Variants in CNTN4 observed in about 807,000 individuals in gnomAD.
CNTN4 encodes the protein contactin-4.
In CNTN4, 77 loss-of-function variants were observed where a neutral mutation model predicts 122.5. The observed-to-expected ratio is 0.63, with a 90% CI of 0.52 to 0.76. The LOEUF is 0.76. CNTN4 is among the 30% of genes least tolerant of loss of function. The probability of loss-of-function intolerance (pLI) is 0.00; values close to 1 mark genes in which losing one functional copy is unlikely to be tolerated. For synonymous variants in CNTN4, 512 were observed against 447.0 expected (o/e 1.15, Z -1.83); for missense variants, 1,256 against 1,259.1 (o/e 1.00, Z 0.04).
chr3:2,238,615 A>G (rs1250450939), intron 2 of CNTN4, among the ~76,000 whole-genome samples: 1 of 151,774 alleles, frequency 6.6e-6, no homozygotes, highest in Non-Finnish European at 1.5e-5. Flanking sequence ...TTTTAATAAA[A>G]TGTATGTATT....
At chr3:2,805,252 G>T (rs899979076) in intron 6 of CNTN4, among the ~76,000 whole-genome samples, 7 of 151,972 alleles carry the variant, frequency 4.6e-5, no homozygotes, top group African/African-American at 1.7e-4. Flanking sequence ...CTTTTAAGAA[G>T]CCTGTGGCAA....
chr3:2,214,680 A>G (rs926121949), intron 2 of CNTN4, among the ~76,000 whole-genome samples: 4 of 152,156 alleles, frequency 2.6e-5, no homozygotes, highest in Admixed American at 6.5e-5. Context: ...CATCCACTCA[A>G]TCTCTTGAAA....
intron 12 of CNTN4, among the ~76,000 whole-genome samples, chr3:2,915,584 G>A (rs555425242): frequency 6.6e-6 from 1 of 152,212 alleles, no homozygotes; most frequent in African/African-American, 2.4e-5. Flanking sequence ...CTTTGTTTCT[G>A]ATCTTAGAGA....
At chr3:2,746,086 TACACACAC>T (rs57086556) in intron 6 of CNTN4, among the ~76,000 whole-genome samples, 897 of 45,704 alleles carry the variant, frequency 0.02, 2 homozygotes, top group South Asian at 0.042. Context: ...GAACAAATTT[TACACACAC>T]ACACACACAC....
At chr3:2,929,008 C>T (rs975124184) in intron 13 of CNTN4, among the ~76,000 whole-genome samples, 1 of 152,148 alleles carries the variant, frequency 6.6e-6, no homozygotes. Flanking sequence ...ACAGCATATT[C>T]ACACTAGCCT....
intron 2 of CNTN4, among the ~76,000 whole-genome samples, chr3:2,144,831 C>T (rs893677259): frequency 8.5e-5 from 13 of 152,246 alleles, no homozygotes; most frequent in African/African-American, 3.1e-4. Flanking sequence ...AAAATCTGCC[C>T]AGAATTTCTC....
intron 23 of CNTN4, among the ~76,000 whole-genome samples, chr3:3,046,463 G>A (rs572627632): frequency 1.1e-4 from 17 of 152,248 alleles, no homozygotes; most frequent in African/African-American, 4.1e-4. Context: ...AAGAGAGTGG[G>A]GGCCAATATT....
At chr3:2,739,660 T>C (rs2089340797) in intron 5 of CNTN4, among the ~76,000 whole-genome samples, 1 of 152,170 alleles carries the variant, frequency 6.6e-6, no homozygotes, top group Non-Finnish European at 1.5e-5. Flanking sequence ...AGCCTGAGAA[T>C]TAAATTAACA....
intron 6 of CNTN4, among the ~76,000 whole-genome samples, chr3:2,811,276 C>T (rs2092601545): frequency 6.6e-6 from 1 of 150,834 alleles, no homozygotes; most frequent in South Asian, 2.1e-4. Flanking sequence ...GGCATGGTGG[C>T]AGGTGCCTGT....
At chr3:2,216,379 T>A (rs146680118) in intron 2 of CNTN4, among the ~76,000 whole-genome samples, 1,576 of 152,112 alleles carry the variant, frequency 0.01, 13 homozygotes, top group South Asian at 0.037. Context: ...ACACTTGAGG[T>A]CTACTTGAGG....
intron 3 of CNTN4, among the ~76,000 whole-genome samples, chr3:2,373,676 TCAATAAC>T (rs2045714886): frequency 6.6e-6 from 1 of 152,310 alleles, no homozygotes; most frequent in Admixed American, 6.5e-5. Context: ...GGCAGAAGTA[TCAATAAC>T]ATCGGCGCCT....
chr3:2,624,326 G>T (rs1217480104), intron 4 of CNTN4, among the ~76,000 whole-genome samples: 1 of 152,116 alleles, frequency 6.6e-6, no homozygotes, highest in African/African-American at 2.4e-5. Flanking sequence ...AATGTTAGGT[G>T]AGATTCAGCT....
chr3:2,785,085 T>A (rs1013385217), intron 6 of CNTN4, among the ~76,000 whole-genome samples: 1 of 151,120 alleles, frequency 6.6e-6, no homozygotes, highest in Admixed American at 6.6e-5. Context: ...TGTGTTCTAT[T>A]TGTATATAAG....
intron 2 of CNTN4, among the ~76,000 whole-genome samples, chr3:2,127,768 C>G (rs1574893358): frequency 6.6e-6 from 1 of 152,128 alleles, no homozygotes; most frequent in East Asian, 1.9e-4. Flanking sequence ...CCACATTCAT[C>G]ATTGTTGTAG....
At position 2,712,394 on chromosome 3, in the gene CNTN4, A is replaced by T. The variant is rs1485528019; in HGVS notation, c.56-23821A>T. Among the ~76,000 whole-genome samples, 3 of 152,358 alleles carry T rather than the reference A, an allele frequency of 2.0e-5. No individual in the cohort carries two copies. In the East Asian group the frequency reaches 5.8e-4, roughly 29 times the overall value. On this transcript the variant is annotated intron_variant, in intron 4 of 24. Coordinates refer to ENST00000418658, the MANE Select transcript of CNTN4 (RefSeq NM_175607.3). ...AGTTGCCATAGGGAGATAAAATTCT[A>T]TTAGCTAGTATAGAGGAGAAAAGGT...
At position 2,540,158 on chromosome 3, in the gene CNTN4, A is replaced by C. The variant is rs1226300855; in HGVS notation, c.-88-31258A>C. 2.0e-5 allele frequency among the ~76,000 whole-genome samples: 3 copies of C among 152,130 alleles called. No homozygotes were observed. The East Asian group carries it at 5.8e-4, about 30-fold the overall frequency. ...ATAAAAAATTGGGGTTGTAAGACCT[A>C]TCCATAGAAACAATCATAAATTACT... On this transcript the variant is annotated intron_variant, in intron 3 of 24. Transcript: ENST00000418658.
intron 14 of CNTN4, among the ~76,000 whole-genome samples, chr3:3,021,347 A>G (rs1698271659): frequency 6.6e-6 from 1 of 152,138 alleles, no homozygotes; most frequent in African/African-American, 2.4e-5. Flanking sequence ...CCTCAGGATT[A>G]TTGTCATCAT....
At chr3:3,009,562 T>A (rs1252531334) in intron 14 of CNTN4, among the ~76,000 whole-genome samples, 2 of 147,376 alleles carry the variant, frequency 1.4e-5, no homozygotes, top group Non-Finnish European at 3.0e-5. Flanking sequence ...GCTTCCCGAG[T>A]AGCTGGGACT....
intron 8 of CNTN4, among the ~76,000 whole-genome samples, chr3:2,874,398 A>T (rs2093819707): frequency 6.6e-6 from 1 of 152,206 alleles, no homozygotes; most frequent in South Asian, 2.1e-4. Context: ...ACATTTATAG[A>T]GGGACTTGAA....
Sources: gnomAD v4.1 joint callset for allele counts (sites outside exome capture counted in the v4.1 genomes callset) on GRCh38, gnomAD v4.1.1 for gene constraint, MANE v1.5 for transcripts, NCBI Gene and HGNC (gene_info 2026-07-23, HGNC 2026-07-21) for gene names.